MOCS1: variants seen among roughly 807,000 people sequenced by gnomAD.
MOCS1 encodes molybdenum cofactor synthesis 1, also known as molybdenum cofactor biosynthesis protein 1.
In MOCS1, 39 loss-of-function variants were observed where a neutral mutation model predicts 57.6. That is an observed-to-expected ratio of 0.68 (90% CI 0.52 to 0.88). The LOEUF (loss-of-function observed/expected upper bound fraction) is 0.88. Among genes scored for constraint, MOCS1 ranks in the 40% least tolerant of loss-of-function variants. The pLI is 0.00. For synonymous variants in MOCS1, 334 were observed against 335.7 expected (o/e 1.00, Z 0.05); for missense variants, 795 against 831.1 (o/e 0.96, Z 0.53).
Position 39,934,356 on chromosome 6 carries a change from C to T in MOCS1, c.62G>A (p.Cys21Tyr). The T allele has an allele frequency of 1.3e-6, 2 of 1,554,576 alleles. No homozygotes were observed. The highest frequency in any genetic ancestry group is 1.9e-4 in the Middle Eastern group (1 of 5,156). Residue 21 changes from cysteine to tyrosine, a missense_variant, in exon 1 of 11, where the codon TGC becomes TAC. By Grantham distance (194) the Cys-to-Tyr change is radical. Around this residue, in one of 3 missense-constraint regions of MOCS1, gnomAD observed 416 missense variants for 392.4 expected, o/e 1.06. Coordinates refer to ENST00000340692, the MANE Select transcript of MOCS1 (RefSeq NM_001358530.2). ...RRLLRSSARS[C>Y]SSGAPVTQPC... ...CTGGGTCACCGGAGCCCCTGAGCTGCAGCTCCGGGCGCTGGACCTCAGAAG... is the reference window on the plus strand; with the variant it reads ...CTGGGTCACCGGAGCCCCTGAGCTGTAGCTCCGGGCGCTGGACCTCAGAAG...
At position 39,934,282 on chromosome 6, in the gene MOCS1, G is replaced by A. The variant is rs188194144; in HGVS notation, c.123+13C>T. On this transcript the variant is annotated intron_variant, in intron 1 of 10. Transcript: ENST00000340692. ...GCCCCGGGAAGCTGTGGACGCAGGC[G>A]GGGTGGGCTCACCTCCGAGGCAGCT... The A allele has an allele frequency of 2.0e-6, 3 of 1,537,348 alleles. No homozygotes were observed. The highest frequency in any genetic ancestry group is 4.8e-5 in the East Asian group (2 of 42,072).
At position 39,905,848 on chromosome 6, in the gene MOCS1, C is replaced by G. The variant is rs747545405; in HGVS notation, c.*509G>C. 2.1e-6 allele frequency: 1 copy of G among 466,814 alleles called. No homozygotes were observed. The highest frequency in any genetic ancestry group is 4.4e-6 in the Non-Finnish European group (1 of 226,358). The allele number at this position is 466,814 out of a possible 1,614,324, so 28.9% of individuals were successfully genotyped here. On this transcript the variant is annotated 3_prime_UTR_variant, in exon 11 of 11. Transcript: ENST00000340692. ...GACAGGACAGGACAGGGCAGGGCTG[C>G]GGCTTCACAGACTTAGGGAGGCAGA...
At chr6:39,933,623 A>C (rs1029671717) in intron 1 of MOCS1, among the ~76,000 whole-genome samples, 1 of 152,074 alleles carries the variant, frequency 6.6e-6, no homozygotes, top group Non-Finnish European at 1.5e-5. Context: ...AAAACCTAAA[A>C]CTTTTAATGA....
intron 3 of MOCS1, among the ~76,000 whole-genome samples, chr6:39,920,622 C>A (rs1223898673): frequency 2.6e-5 from 4 of 152,056 alleles, no homozygotes; most frequent in African/African-American, 9.7e-5. Context: ...AACAATAAGC[C>A]CTGAAAGACT....
At chr6:39,932,621 T>G (rs986359751) in intron 1 of MOCS1, among the ~76,000 whole-genome samples, 26 of 152,238 alleles carry the variant, frequency 1.7e-4, no homozygotes, top group Non-Finnish European at 3.7e-4. Flanking sequence ...ACTCCCAGTC[T>G]GCTGAAGATA....
intron 3 of MOCS1, among the ~76,000 whole-genome samples, chr6:39,916,962 G>A (rs1462713824): frequency 6.6e-6 from 1 of 152,138 alleles, no homozygotes; most frequent in African/African-American, 2.4e-5. Context: ...ACATGTCAGG[G>A]AGGTTGTCTA....
At chr6:39,914,096 A>C (rs1188068073) in intron 4 of MOCS1, among the ~76,000 whole-genome samples, 2 of 152,258 alleles carry the variant, frequency 1.3e-5, no homozygotes, top group African/African-American at 4.8e-5. Flanking sequence ...TACAAATGGG[A>C]TACAATAATG....
chr6:39,910,016 G>A (rs1767229259), intron 8 of MOCS1, 61 bp from the exon 9 acceptor site: 1 of 1,604,946 alleles, frequency 6.2e-7, no homozygotes. Flanking sequence ...CCTGGCCTCT[G>A]AGGAGCTAAC....
rs533079666 is a variant in MOCS1 at position 39,916,124 on chromosome 6, T to C, written c.527A>G (p.Asn176Ser). ...QLQKAGLSAI[N>S]ISLDTLVPAK... ...AGGCACCAGGGTGTCCAGGCTGATG[T>C]TGATGGCACTGAGACCAGCCTTCTG... Residue 176 changes from asparagine (N) to serine (S), a missense_variant, in exon 4 of 11, where the codon AAC becomes AGC. This residue lies in a region of MOCS1 where 416 missense variants were observed against 392.4 expected (regional missense o/e 1.06). Transcript: ENST00000340692. 6 of 1,613,918 alleles carry C rather than the reference T, an allele frequency of 3.7e-6. No individual in the cohort carries two copies. Among genetic ancestry groups the C allele is most frequent in the Admixed American group, 1.7e-5 (1 of 59,994 alleles).
In MOCS1 at chr6:39,916,194, C is replaced by A. The variant is rs1438639763; in HGVS notation, c.457G>T (p.Val153Phe). 1.9e-6 allele frequency: 3 copies of A among 1,613,976 alleles called. No individual in the cohort carries two copies. Among genetic ancestry groups the A allele is most frequent in the Non-Finnish European group, 2.5e-6 (3 of 1,180,034 alleles). ...QRLEGLRTIG[V>F]TTNGINLARL... ...GCCAGGTTGATGCCATTGGTGGTAA[C>A]ACCTATGGTTCTCAGCCCTTCCAGC... The change falls in exon 4 of 11, where the codon GTT becomes TTT. Residue 153 changes from valine to phenylalanine, a missense_variant. This residue lies in a region of MOCS1 where 416 missense variants were observed against 392.4 expected (regional missense o/e 1.06). Coordinates refer to ENST00000340692, the MANE Select transcript of MOCS1 (RefSeq NM_001358530.2).
intron 6 of MOCS1, 56 bp downstream of exon 6, chr6:39,913,261 G>A: frequency 6.8e-7 from 1 of 1,473,752 alleles, no homozygotes; most frequent in Non-Finnish European, 9.5e-7. Context: ...GCCACACTAT[G>A]CGACCTGCAG....
At chr6:39,908,118 C>T (rs1222419344) in intron 10 of MOCS1, among the ~76,000 whole-genome samples, 1 of 152,208 alleles carries the variant, frequency 6.6e-6, no homozygotes. Flanking sequence ...TGAGAGTCTT[C>T]TTCCCAGTGG....
chr6:39,920,026 T>C (rs1004951472), intron 3 of MOCS1, among the ~76,000 whole-genome samples: 8 of 152,056 alleles, frequency 5.3e-5, no homozygotes, highest in Non-Finnish European at 1.2e-4. Flanking sequence ...TTTTTTCAGA[T>C]GGGGAGGAGA....
chr6:39,929,855 T>C (rs1768551442), intron 1 of MOCS1, among the ~76,000 whole-genome samples: 1 of 145,284 alleles, frequency 6.9e-6, no homozygotes, highest in Non-Finnish European at 1.5e-5. Flanking sequence ...GGCAAGAGAA[T>C]CGCTTGAACC....
At chr6:39,932,764 A>G (rs62403569) in intron 1 of MOCS1, among the ~76,000 whole-genome samples, 3,851 of 152,370 alleles carry the variant, frequency 0.025, 54 homozygotes, top group Middle Eastern at 0.048. Flanking sequence ...ACCAACATTT[A>G]CATAACACAG....
At chr6:39,925,568 A>G in intron 3 of MOCS1, 110 bp downstream of exon 3, 2 of 1,263,928 alleles carry the variant, frequency 1.6e-6, no homozygotes, top group South Asian at 1.2e-5. Context: ...TAGGACCAAG[A>G]GAGTGTCATG....
chr6:39,914,925 C>T (rs1489083529), intron 4 of MOCS1, among the ~76,000 whole-genome samples: 1 of 152,118 alleles, frequency 6.6e-6, no homozygotes, highest in Non-Finnish European at 1.5e-5. Flanking sequence ...AGATCCACCT[C>T]CCACTTTCCC....
At chr6:39,929,707 G>A (rs1340367380) in intron 1 of MOCS1, among the ~76,000 whole-genome samples, 2 of 151,968 alleles carry the variant, frequency 1.3e-5, no homozygotes, top group Non-Finnish European at 2.9e-5. Flanking sequence ...TTGGGAGGCC[G>A]AGGAGGGCAG....
chr6:39,906,978 G>A lies in MOCS1; in HGVS notation c.1290C>T (p.Pro430=). The A allele has an allele frequency of 1.2e-6, 2 of 1,614,092 alleles. No individual in the cohort carries two copies. Among genetic ancestry groups the A allele is most frequent in the Non-Finnish European group, 1.7e-6 (2 of 1,180,020 alleles). ...VATLWKGCRV[P]QTPPLAQQRL... ...GCTGCTGGGCTAGAGGAGGGGTCTG[G>A]GGGACCCTGCATCCTTTCCATAAAG... Residue 430 remains proline (P), a synonymous_variant, in exon 11 of 11, where the codon CCC becomes CCT. Transcript: ENST00000340692.
Sources: allele counts gnomAD v4.1 joint callset (sites outside exome capture counted in the v4.1 genomes callset), GRCh38; gene constraint gnomAD v4.1.1; regional missense constraint gnomAD v4.1.1; transcripts MANE v1.5; gene names NCBI Gene and HGNC (gene_info 2026-07-23, HGNC 2026-07-21).